NBEA: variants seen among roughly 807,000 people sequenced by gnomAD.
NBEA encodes neurobeachin.
A neutral mutation model predicts 343.4 loss-of-function variants in NBEA; 44 were observed. The observed-to-expected ratio is 0.13, with a 90% CI of 0.10 to 0.16. The LOEUF is 0.16. NBEA is among the 10% of genes least tolerant of loss of function. NBEA has a pLI of 1.00. For missense variants in NBEA, 2,555 were observed against 3,631.3 expected (o/e 0.70, Z 7.62); for synonymous variants, 1,175 against 1,238.7 (o/e 0.95, Z 1.08).
chr13:35,272,444 CAACT>C (rs1402745079), intron 34 of NBEA, among the ~76,000 whole-genome samples: 1 of 152,160 alleles, frequency 6.6e-6, no homozygotes, highest in African/African-American at 2.4e-5. Flanking sequence ...GAAACTGCAT[CAACT>C]AACAGGCAAA....
intron 47 of NBEA, among the ~76,000 whole-genome samples, chr13:35,595,670 A>G (rs1308239333): frequency 2.6e-5 from 4 of 152,094 alleles, no homozygotes; most frequent in Non-Finnish European, 5.9e-5. Context: ...GCTAATTCTT[A>G]TTAATGGGAC....
intron 34 of NBEA, among the ~76,000 whole-genome samples, chr13:35,233,716 G>A (rs1296692737): frequency 2.6e-5 from 4 of 152,074 alleles, no homozygotes; most frequent in Admixed American, 6.6e-5. Context: ...AGACAAAGAC[G>A]CTTTTCTTCA....
chr13:35,324,211 A>T (rs2038381359), intron 36 of NBEA, among the ~76,000 whole-genome samples: 1 of 152,216 alleles, frequency 6.6e-6, no homozygotes, highest in South Asian at 2.1e-4. Flanking sequence ...AGGAGATAAG[A>T]TGAGCAGGAC....
chr13:35,023,619 C>T (rs1022529278), intron 1 of NBEA, among the ~76,000 whole-genome samples: 30 of 150,974 alleles, frequency 2.0e-4, no homozygotes, highest in South Asian at 1.7e-3. Context: ...GACAAAAGTA[C>T]GTACATCTGT....
intron 38 of NBEA, among the ~76,000 whole-genome samples, chr13:35,401,970 C>T (rs556454521): frequency 6.7e-4 from 101 of 151,826 alleles, no homozygotes; most frequent in South Asian, 2.3e-3. Context: ...GGTTGTGTAA[C>T]CTGTGTACAA....
chr13:35,666,395 T>G (rs953918805), intron 56 of NBEA, among the ~76,000 whole-genome samples: 2 of 150,878 alleles, frequency 1.3e-5, no homozygotes, highest in African/African-American at 4.9e-5. Flanking sequence ...GTAATATCAT[T>G]TTACCCTGTG....
intron 45 of NBEA, among the ~76,000 whole-genome samples, chr13:35,582,317 AT>A (rs1246788546): frequency 6.6e-6 from 1 of 152,124 alleles, no homozygotes; most frequent in East Asian, 1.9e-4. Flanking sequence ...AAATAAAAAA[AT>A]AAAAAACTCA....
At chr13:35,534,048 G>A (rs1175712757) in intron 41 of NBEA, among the ~76,000 whole-genome samples, 5 of 151,932 alleles carry the variant, frequency 3.3e-5, no homozygotes, top group African/African-American at 1.2e-4. Context: ...TAGGTTAATT[G>A]TTTTTATTGG....
chr13:35,481,501 T>A (rs2076120072), intron 41 of NBEA, among the ~76,000 whole-genome samples: 1 of 151,894 alleles, frequency 6.6e-6, no homozygotes, highest in African/African-American at 2.4e-5. Context: ...AAAGAATTTT[T>A]TATTGTTCAG....
chr13:35,429,098 G>T (rs1006388156), intron 38 of NBEA, among the ~76,000 whole-genome samples: 1 of 152,184 alleles, frequency 6.6e-6, no homozygotes, highest in African/African-American at 2.4e-5. Flanking sequence ...TTCCCCAGTG[G>T]GGAGGGGGAG....
intron 41 of NBEA, among the ~76,000 whole-genome samples, chr13:35,530,505 G>C (rs577956648): frequency 1.3e-5 from 2 of 152,156 alleles, no homozygotes; most frequent in Admixed American, 1.3e-4. Context: ...CCTTCTTGTT[G>C]GTTTAAACCA....
Position 35,637,800 on chromosome 13 carries a change from T to A in NBEA, c.7618-8069T>A, listed in dbSNP as rs187957088. ...TTGCGCCACTGCACTCCAGCCTGGG[T>A]TACAGAGCAAGACTCCATCTCAAAA... On this transcript the variant is annotated intron_variant, in intron 49 of 58. Transcript: ENST00000379939. Among the ~76,000 whole-genome samples the A allele has an allele frequency of 7.4e-3, 1,114 of 151,176 alleles. 10 individuals carry two copies. Among genetic ancestry groups the A allele is most frequent in the Non-Finnish European group, 0.01 (679 of 67,874 alleles).
intron 38 of NBEA, among the ~76,000 whole-genome samples, chr13:35,403,268 TTAA>T (rs1258211837): frequency 1.3e-5 from 2 of 152,074 alleles, no homozygotes; most frequent in African/African-American, 2.4e-5. Context: ...ATAACAAATA[TTAA>T]TAATAGCTGC....
intron 39 of NBEA, among the ~76,000 whole-genome samples, chr13:35,432,797 T>G (rs1057381735): frequency 6.6e-6 from 1 of 152,060 alleles, no homozygotes; most frequent in Non-Finnish European, 1.5e-5. Flanking sequence ...TCTGTGTACA[T>G]ACTTATATAT....
chr13:35,639,413 A>G (rs1037834902), intron 49 of NBEA, among the ~76,000 whole-genome samples: 14 of 152,202 alleles, frequency 9.2e-5, no homozygotes, highest in Non-Finnish European at 1.9e-4. Flanking sequence ...GTAGTCTGCC[A>G]TTAAGTAACC....
chr13:35,352,374 A>G, intron 38 of NBEA, 51 bp downstream of exon 38: 3 of 1,008,516 alleles, frequency 3.0e-6, no homozygotes, highest in Non-Finnish European at 4.0e-6. Flanking sequence ...TAATTATAAT[A>G]GTTGGTAATA....
chr13:35,281,893 T>G (rs2035075225), intron 34 of NBEA, among the ~76,000 whole-genome samples: 1 of 151,950 alleles, frequency 6.6e-6, no homozygotes, highest in Non-Finnish European at 1.5e-5. Flanking sequence ...GATTTATATT[T>G]TATAGAATAT....
intron 1 of NBEA, among the ~76,000 whole-genome samples, chr13:34,944,743 A>T (rs1474670137): frequency 6.6e-6 from 1 of 152,180 alleles, no homozygotes; most frequent in African/African-American, 2.4e-5. Context: ...AAAGGAACAC[A>T]TTTTTAGTTG....
intron 36 of NBEA, among the ~76,000 whole-genome samples, chr13:35,323,324 A>G (rs972049591): frequency 6.6e-5 from 10 of 152,092 alleles, no homozygotes; most frequent in African/African-American, 2.4e-4. Flanking sequence ...CAAATGTCCA[A>G]CAATGATAGA....
Sources: allele counts gnomAD v4.1 joint callset (sites outside exome capture counted in the v4.1 genomes callset), GRCh38; gene constraint gnomAD v4.1.1; transcripts MANE v1.5; gene names NCBI Gene and HGNC (gene_info 2026-07-23, HGNC 2026-07-21).